COG5: variants seen among roughly 807,000 people sequenced by gnomAD.
COG5 encodes the protein component of oligomeric golgi complex 5.
COG5 carries 86 observed loss-of-function variants against 110.4 expected under a neutral mutation model. The ratio of observed to expected loss-of-function variants is 0.78; its 90% CI spans 0.65 to 0.93. COG5 has a LOEUF of 0.93. Among genes scored for constraint, COG5 ranks in the 40% least tolerant of loss-of-function variants. The pLI, the probability that COG5 is intolerant of heterozygous loss-of-function variation, is 0.00. For synonymous variants in COG5, 360 were observed against 334.6 expected, an observed-to-expected ratio of 1.08 and a Z score of -0.83; for missense variants, 1,077 against 987.0, an observed-to-expected ratio of 1.09 and a Z score of -1.22.
At chr7:107,323,879 A>C (rs1371756809) in intron 11 of COG5, among the ~76,000 whole-genome samples, 1 of 152,192 alleles carries the variant, frequency 6.6e-6, no homozygotes, top group African/African-American at 2.4e-5. Context: ...CACACGCGTA[A>C]GATATTAGCT....
In COG5 at chr7:107,283,218, A is replaced by T. The variant is rs539273091; in HGVS notation, c.1475+353T>A. On this transcript the variant is annotated intron_variant, in intron 13 of 21. Coordinates refer to ENST00000297135, the MANE Select transcript of COG5 (RefSeq NM_006348.5). ...TGGAGTTTAGGATAAAAAAAAGTTA[A>T]CCTGTATGTTTTAGTTTCTCAATTT... Among the ~76,000 whole-genome samples, 127 of 152,240 alleles carry T rather than the reference A, an allele frequency of 8.3e-4. 4 individuals are homozygous for T. In the South Asian group the frequency reaches 0.023, roughly 28 times the overall value.
intron 7 of COG5, among the ~76,000 whole-genome samples, chr7:107,373,990 C>G (rs1814419797): frequency 6.6e-6 from 1 of 151,928 alleles, no homozygotes; most frequent in African/African-American, 2.4e-5. Context: ...TAACAGGAAA[C>G]ATGGCTGGTG....
At chr7:107,359,606 C>G (rs537290469) in intron 10 of COG5, among the ~76,000 whole-genome samples, 64 of 152,212 alleles carry the variant, frequency 4.2e-4, no homozygotes, top group African/African-American at 1.3e-3. Flanking sequence ...GGTGCTTTTT[C>G]CAGGCCTGCC....
In COG5 at chr7:107,362,345, T is replaced by C. The variant is rs1203662820; in HGVS notation, c.911A>G (p.Glu304Gly). 3.7e-6 allele frequency: 6 copies of C among 1,613,162 alleles called. No individual in the cohort carries two copies. The Admixed American group carries it at 1.0e-4, about 27-fold the overall frequency. The change falls in exon 9 of 22, where the codon GAG (glutamate) becomes GGG (glycine). Residue 304 changes from glutamate to glycine, a missense_variant. Coordinates refer to ENST00000297135, the MANE Select transcript of COG5 (RefSeq NM_006348.5). Reference sequence around the variant, plus strand: ...AGCATAAATATGATCCATAAGTTTCTCCATATTGGTCCAGAATGAGGCACG... The same window carrying C: ...AGCATAAATATGATCCATAAGTTTCCCCATATTGGTCCAGAATGAGGCACG... ...ALRASFWTNMEKLMDHIYAVC... is the reference protein window; with the variant it reads ...ALRASFWTNMGKLMDHIYAVC...
intron 7 of COG5, among the ~76,000 whole-genome samples, chr7:107,409,456 A>G (rs1792116654): frequency 6.6e-6 from 1 of 150,714 alleles, no homozygotes; most frequent in South Asian, 2.1e-4. Flanking sequence ...ACAATAGTGT[A>G]GACTGGGGAC....
intron 3 of COG5, among the ~76,000 whole-genome samples, chr7:107,548,822 C>A (rs1802662302): frequency 6.6e-6 from 1 of 152,122 alleles, no homozygotes; most frequent in African/African-American, 2.4e-5. Context: ...TCTAGGCTTA[C>A]AACATGAGGA....
chr7:107,392,538 C>T (rs1316793002), intron 7 of COG5, among the ~76,000 whole-genome samples: 2 of 151,888 alleles, frequency 1.3e-5, no homozygotes, highest in African/African-American at 4.8e-5. Context: ...AAAGAAAGGC[C>T]TATTTTTTAG....
chr7:107,504,121 T>C (rs1470773723), intron 6 of COG5, among the ~76,000 whole-genome samples: 1 of 152,174 alleles, frequency 6.6e-6, no homozygotes, highest in East Asian at 1.9e-4. Flanking sequence ...CAGTATGATG[T>C]CGGCTGTGGG....
chr7:107,268,327 T>A (rs1360745303), intron 14 of COG5, among the ~76,000 whole-genome samples: 1 of 152,142 alleles, frequency 6.6e-6, no homozygotes, highest in Non-Finnish European at 1.5e-5. Context: ...GTCCTAATAA[T>A]AAAAAAGTGT....
At chr7:107,451,566 T>C (rs917363467) in intron 6 of COG5, among the ~76,000 whole-genome samples, 1 of 152,176 alleles carries the variant, frequency 6.6e-6, no homozygotes, top group Non-Finnish European at 1.5e-5. Context: ...TGCCTGCCTT[T>C]CCTGCCTACT....
At chr7:107,425,924 A>G (rs1483661083) in intron 6 of COG5, among the ~76,000 whole-genome samples, 2 of 152,202 alleles carry the variant, frequency 1.3e-5, no homozygotes, top group African/African-American at 2.4e-5. Context: ...TATATTATAA[A>G]AAGAGGAAAC....
At position 107,545,779 on chromosome 7, in the gene COG5, C is replaced by CA. The variant is rs59515448; in HGVS notation, c.417+2331dup. ...TGGGTGAGAGAGTGAGACTCCATCT[C>CA]AAAAAAAAAAAAAAAAAAAAGAAAA... On this transcript the variant is annotated intron_variant, in intron 5 of 21. Coordinates refer to ENST00000297135, the MANE Select transcript of COG5 (RefSeq NM_006348.5). 4.5e-3 allele frequency among the ~76,000 whole-genome samples: 315 copies of CA among 69,782 alleles called. 4 individuals are homozygous for CA. Among genetic ancestry groups the CA allele is most frequent in the East Asian group, 8.6e-3 (21 of 2,436 alleles). The allele number at this position is 69,782 out of a possible 152,430, so 45.8% of individuals were successfully genotyped here.
rs1798309659 is a variant in COG5, at chr7:107,201,556, T to C, written c.*1960A>G. On this transcript the variant is annotated 3_prime_UTR_variant, in exon 22 of 22. Coordinates refer to ENST00000297135, the MANE Select transcript of COG5 (RefSeq NM_006348.5). ...TGTGACCATAAGATACTGATAGCATTGAGTCTTGAAATGATTTAATAATAT... is the reference window on the plus strand; with the variant it reads ...TGTGACCATAAGATACTGATAGCATCGAGTCTTGAAATGATTTAATAATAT... 1 of 538,246 alleles carries C rather than the reference T, an allele frequency of 1.9e-6. No individual in the cohort carries two copies. The highest frequency in any genetic ancestry group is 3.4e-6 in the Non-Finnish European group (1 of 291,530). 33.3% of individuals were successfully genotyped at this position (538,246 alleles called of 1,614,324 possible). A position where few individuals can be genotyped will look rare whatever the true frequency, so the allele number is the denominator to read the frequency against.
intron 12 of COG5, among the ~76,000 whole-genome samples, chr7:107,292,475 A>T (rs1806255785): frequency 6.6e-6 from 1 of 152,186 alleles, no homozygotes. Context: ...AACTTTTAGA[A>T]CTGACTGAGT....
At chr7:107,327,243 T>C (rs922092819) in intron 10 of COG5, among the ~76,000 whole-genome samples, 2 of 152,136 alleles carry the variant, frequency 1.3e-5, no homozygotes, top group Middle Eastern at 3.4e-3. Context: ...GATATACGCA[T>C]GCAAAAGAAT....
At chr7:107,255,014 G>C (rs74931007) in intron 16 of COG5, among the ~76,000 whole-genome samples, 3,666 of 152,242 alleles carry the variant, frequency 0.024, 165 homozygotes, top group African/African-American at 0.08. Flanking sequence ...TATGTGTATA[G>C]AAGTACACTT....
At chr7:107,350,155 G>A (rs1399014554) in intron 10 of COG5, among the ~76,000 whole-genome samples, 1 of 152,104 alleles carries the variant, frequency 6.6e-6, no homozygotes, top group Non-Finnish European at 1.5e-5. Flanking sequence ...TTCTTTTAGA[G>A]TTTCCTGGCT....
intron 21 of COG5, among the ~76,000 whole-genome samples, chr7:107,205,405 C>CTGTGG (rs1798695580): frequency 2.0e-5 from 3 of 152,146 alleles, no homozygotes; most frequent in Non-Finnish European, 4.4e-5. Flanking sequence ...CTAAAAAGAC[C>CTGTGG]CTCAAATCAT....
rs1375989769 is a variant in COG5 at position 107,562,978 on chromosome 7, A to G, written c.94+825T>C. Among the ~76,000 whole-genome samples the G allele has an allele frequency of 2.0e-5, 3 of 152,340 alleles. 1 individual carries two copies. The highest frequency in any genetic ancestry group is 6.8e-3 in the Middle Eastern group (2 of 294). ...CAGAAGAGATTAAAACAAGTATACA[A>G]ATGATTTTAGTACAAGGTAGAATGC... On this transcript the variant is annotated intron_variant, in intron 1 of 21. Coordinates refer to ENST00000297135, the MANE Select transcript of COG5 (RefSeq NM_006348.5).
Sources: gnomAD v4.1 joint callset for allele counts (sites outside exome capture counted in the v4.1 genomes callset) on GRCh38, gnomAD v4.1.1 for gene constraint, MANE v1.5 for transcripts, NCBI Gene and HGNC (gene_info 2026-07-23, HGNC 2026-07-21) for gene names.